Variants in KCTD8 observed in about 807,000 individuals in gnomAD.
KCTD8 encodes the protein potassium channel tetramerization domain containing 8.
Under a neutral mutation model 31.5 loss-of-function variants are expected in KCTD8, and 27 were observed. That is an observed-to-expected ratio of 0.86 (90% CI 0.63 to 1.18). The LOEUF is 1.18. Ranked by LOEUF, KCTD8 falls within the 50% of genes most tolerant of loss-of-function variation. KCTD8 has a pLI of 0.00. For synonymous variants in KCTD8, 290 were observed against 280.0 expected (o/e 1.04, Z -0.36); for missense variants, 658 against 647.7 (o/e 1.02, Z -0.17).
chr4:44,272,384 AGAC>A (rs1716639393), intron 1 of KCTD8, among the ~76,000 whole-genome samples: 1 of 151,990 alleles, frequency 6.6e-6, no homozygotes, highest in South Asian at 2.1e-4. Flanking sequence ...GAATCCGCAC[AGAC>A]TTGTCCCATC....
At chr4:44,332,701 C>G (rs1257597636) in intron 1 of KCTD8, among the ~76,000 whole-genome samples, 9 of 151,914 alleles carry the variant, frequency 5.9e-5, no homozygotes, top group Non-Finnish European at 1.2e-4. Flanking sequence ...TTATCTCTTT[C>G]TTTTTTTAAA....
At chr4:44,356,138 A>G (rs757872058) in intron 1 of KCTD8, among the ~76,000 whole-genome samples, 1 of 152,168 alleles carries the variant, frequency 6.6e-6, no homozygotes, top group Non-Finnish European at 1.5e-5. Flanking sequence ...CTTATTCTGA[A>G]TCTTTCATAA....
chr4:44,295,759 A>G (rs1008788742), intron 1 of KCTD8, among the ~76,000 whole-genome samples: 1 of 152,042 alleles, frequency 6.6e-6, no homozygotes, highest in African/African-American at 2.4e-5. Context: ...TGAACAAAAC[A>G]CCTCCCAGAG....
chr4:44,223,732 T>C (rs1018612695), intron 1 of KCTD8, among the ~76,000 whole-genome samples: 1 of 152,210 alleles, frequency 6.6e-6, no homozygotes, highest in Non-Finnish European at 1.5e-5. Context: ...AATTCCTTTC[T>C]TCTTTGTTTC....
At chr4:44,405,878 C>T (rs1263987568) in intron 1 of KCTD8, among the ~76,000 whole-genome samples, 1 of 147,854 alleles carries the variant, frequency 6.8e-6, no homozygotes, top group Non-Finnish European at 1.5e-5. Flanking sequence ...TGAAGCATGT[C>T]CATGAGCCAT....
At chr4:44,188,515 G>A (rs182454522) in intron 1 of KCTD8, among the ~76,000 whole-genome samples, 2 of 152,294 alleles carry the variant, frequency 1.3e-5, no homozygotes, top group East Asian at 1.9e-4. Flanking sequence ...TAAATGTGAG[G>A]AAGTCCTTTG....
chr4:44,202,876 AT>A (rs1387142502), intron 1 of KCTD8, among the ~76,000 whole-genome samples: 1 of 152,150 alleles, frequency 6.6e-6, no homozygotes, highest in Non-Finnish European at 1.5e-5. Context: ...AAAATTGAAA[AT>A]TTTCTTTAGT....
chr4:44,336,899 A>G (rs1394245855), intron 1 of KCTD8, among the ~76,000 whole-genome samples: 3 of 152,082 alleles, frequency 2.0e-5, no homozygotes, highest in African/African-American at 7.2e-5. Context: ...TGAAACTGCC[A>G]TATAACAAAT....
At chr4:44,204,561 C>A (rs1714248803) in intron 1 of KCTD8, among the ~76,000 whole-genome samples, 1 of 152,068 alleles carries the variant, frequency 6.6e-6, no homozygotes, top group East Asian at 1.9e-4. Flanking sequence ...GAGTTGTGAG[C>A]CCTTAAAAGG....
In KCTD8 at chr4:44,326,121, T is replaced by G. The variant is rs186770431; in HGVS notation, c.961+121442A>C. 2.1e-3 allele frequency among the ~76,000 whole-genome samples: 319 copies of G among 152,050 alleles called. 4 individuals carry two copies. The highest frequency in any genetic ancestry group is 3.7e-3 in the Admixed American group (56 of 15,286). ...TCAGTTAGGTTCACAACCTTGTGTT[T>G]TTTCATTTGTTTGTTTTAGTCATGG... On this transcript the variant is annotated intron_variant, in intron 1 of 1. Coordinates refer to ENST00000360029, the MANE Select transcript of KCTD8 (RefSeq NM_198353.3).
At chr4:44,351,390 T>C (rs182530606) in intron 1 of KCTD8, among the ~76,000 whole-genome samples, 3 of 152,156 alleles carry the variant, frequency 2.0e-5, no homozygotes, top group African/African-American at 7.2e-5. Context: ...TTTTGTGCAT[T>C]AAAAGTACCC....
intron 1 of KCTD8, among the ~76,000 whole-genome samples, chr4:44,351,198 T>TA (rs1445077382): frequency 6.6e-6 from 1 of 152,112 alleles, no homozygotes. Flanking sequence ...AATGCAAGTT[T>TA]AATGAAAACA....
At chr4:44,429,518 A>G (rs1721421886) in intron 1 of KCTD8, among the ~76,000 whole-genome samples, 1 of 151,808 alleles carries the variant, frequency 6.6e-6, no homozygotes, top group South Asian at 2.1e-4. Context: ...CCAAATTGGC[A>G]TGTGCTGAGA....
At chr4:44,241,720 C>T (rs888316304) in intron 1 of KCTD8, among the ~76,000 whole-genome samples, 1 of 152,214 alleles carries the variant, frequency 6.6e-6, no homozygotes, top group African/African-American at 2.4e-5. Context: ...AGGTCCCAGT[C>T]ACCCAGTATC....
chr4:44,324,052 AAAAAAC>A (rs773531458), intron 1 of KCTD8, among the ~76,000 whole-genome samples: 15 of 147,596 alleles, frequency 1.0e-4, no homozygotes, highest in Non-Finnish European at 1.8e-4. Flanking sequence ...ATTAAAAAAA[AAAAAAC>A]AAAACAAAAC....
At chr4:44,322,747 TTTGAG>T (rs1452485726) in intron 1 of KCTD8, among the ~76,000 whole-genome samples, 3 of 152,070 alleles carry the variant, frequency 2.0e-5, no homozygotes, top group African/African-American at 7.3e-5. Context: ...TGTAATCTAT[TTTGAG>T]TTAATTTTTG....
intron 1 of KCTD8, among the ~76,000 whole-genome samples, chr4:44,270,115 A>T (rs1423867317): frequency 3.9e-5 from 6 of 152,130 alleles, no homozygotes; most frequent in African/African-American, 1.4e-4. Context: ...GGCACTATTC[A>T]CAATAGCAAA....
chr4:44,409,270 A>G (rs1577659786), intron 1 of KCTD8, among the ~76,000 whole-genome samples: 2 of 151,648 alleles, frequency 1.3e-5, no homozygotes, highest in South Asian at 2.1e-4. Context: ...GGAAGGAAGG[A>G]AGGGAGGGAG....
At chr4:44,381,911 T>C (rs1720075854) in intron 1 of KCTD8, among the ~76,000 whole-genome samples, 1 of 151,742 alleles carries the variant, frequency 6.6e-6, no homozygotes, top group African/African-American at 2.4e-5. Flanking sequence ...ATTAAACCTA[T>C]TTTCTTTAAT....
Sources: allele counts gnomAD v4.1 joint callset (sites outside exome capture counted in the v4.1 genomes callset), GRCh38; gene constraint gnomAD v4.1.1; transcripts MANE v1.5; gene names NCBI Gene and HGNC (gene_info 2026-07-23, HGNC 2026-07-21).